CACNA2D1: variants seen among roughly 807,000 people sequenced by gnomAD.
CACNA2D1 encodes the protein voltage-dependent calcium channel subunit alpha-2/delta-1.
A neutral mutation model predicts 171.5 loss-of-function variants in CACNA2D1; 53 were observed. The observed-to-expected ratio is 0.31, with a 90% CI of 0.25 to 0.39. The LOEUF is 0.39. Ranked by LOEUF, CACNA2D1 falls within the 10% of genes least tolerant of loss-of-function variation. The pLI is 1.00. For missense variants in CACNA2D1, 903 were observed against 1,299.8 expected (o/e 0.69, Z 4.69); for synonymous variants, 442 against 443.1 (o/e 1.00, Z 0.03).
intron 4 of CACNA2D1, among the ~76,000 whole-genome samples, chr7:82,158,976 C>A (rs1794661002): frequency 6.6e-6 from 1 of 151,812 alleles, no homozygotes. Flanking sequence ...GTTTAAATAT[C>A]AGAGTATTTT....
intron 3 of CACNA2D1, among the ~76,000 whole-genome samples, chr7:82,312,559 G>C (rs950085509): frequency 2.7e-5 from 4 of 145,954 alleles, no homozygotes; most frequent in African/African-American, 7.6e-5. Context: ...CTGTCACCTA[G>C]GCTGGAATGT....
At chr7:82,364,284 A>C (rs1821429255) in intron 1 of CACNA2D1, among the ~76,000 whole-genome samples, 1 of 152,212 alleles carries the variant, frequency 6.6e-6, no homozygotes, top group South Asian at 2.1e-4. Context: ...GCTGGAGACA[A>C]GAACATAGCA....
chr7:82,429,891 C>T (rs1829526958), intron 1 of CACNA2D1, among the ~76,000 whole-genome samples: 1 of 152,104 alleles, frequency 6.6e-6, no homozygotes, highest in Admixed American at 6.5e-5. Context: ...GACAGCCAAG[C>T]AGCTAATATG....
intron 25 of CACNA2D1, 112 bp downstream of exon 25, chr7:81,974,338 TGTAAA>T (rs1026388103): frequency 1.0e-5 from 6 of 583,708 alleles, no homozygotes; most frequent in African/African-American, 9.4e-5. Context: ...ATTAAAAAGT[TGTAAA>T]GTAAATAAAC....
intron 18 of CACNA2D1, among the ~76,000 whole-genome samples, chr7:82,003,674 A>G (rs1798832422): frequency 6.7e-6 from 1 of 150,282 alleles, no homozygotes; most frequent in African/African-American, 2.4e-5. Flanking sequence ...GATATATGTT[A>G]GTTCCTTTGG....
chr7:82,088,130 C>T (rs188455786), intron 6 of CACNA2D1, among the ~76,000 whole-genome samples: 26 of 151,982 alleles, frequency 1.7e-4, no homozygotes, highest in African/African-American at 5.8e-4. Flanking sequence ...TGGTTACAAC[C>T]GGGTAAGTCA....
intron 2 of CACNA2D1, among the ~76,000 whole-genome samples, chr7:82,340,168 A>G (rs1818451144): frequency 1.3e-5 from 2 of 152,316 alleles, no homozygotes; most frequent in Non-Finnish European, 2.9e-5. Context: ...TAGAAGACTA[A>G]CATAATGAGT....
chr7:82,166,001 G>A lies in CACNA2D1; in HGVS notation c.354+4549C>T, dbSNP rs559836455. On this transcript the variant is annotated intron_variant, in intron 4 of 38. Transcript: ENST00000356860. The stretch of plus-strand genomic sequence containing the variant: ...TCATACCAAGTGACTGTCTGTCTTC[G>A]ATTCTAAGTAAAACAAATACAGTGT... Among the ~76,000 whole-genome samples the A allele has an allele frequency of 5.3e-5, 8 of 151,918 alleles. No individual in the cohort carries two copies. In the South Asian group the frequency reaches 8.3e-4, roughly 16 times the overall value.
chr7:82,257,450 G>T (rs904431413), intron 3 of CACNA2D1, among the ~76,000 whole-genome samples: 1 of 152,096 alleles, frequency 6.6e-6, no homozygotes, highest in Non-Finnish European at 1.5e-5. Context: ...TTTACAACTG[G>T]CAATTCAATC....
intron 7 of CACNA2D1, among the ~76,000 whole-genome samples, chr7:82,067,190 T>G (rs1807746791): frequency 6.6e-6 from 1 of 152,212 alleles, no homozygotes; most frequent in Non-Finnish European, 1.5e-5. Context: ...AAATCTATTC[T>G]AATTAAATTG....
At chr7:82,339,503 T>C (rs1380175761) in intron 2 of CACNA2D1, among the ~76,000 whole-genome samples, 5 of 152,328 alleles carry the variant, frequency 3.3e-5, no homozygotes, top group Non-Finnish European at 5.9e-5. Context: ...TATTCTAATG[T>C]ATGGCCTTGT....
At chr7:82,142,332 A>G (rs1792497847) in intron 4 of CACNA2D1, among the ~76,000 whole-genome samples, 1 of 152,214 alleles carries the variant, frequency 6.6e-6, no homozygotes, top group Non-Finnish European at 1.5e-5. Flanking sequence ...GAGATAAATT[A>G]CTTTAGTCCC....
At chr7:82,138,590 G>A (rs1413526343) in intron 4 of CACNA2D1, among the ~76,000 whole-genome samples, 8 of 151,678 alleles carry the variant, frequency 5.3e-5, no homozygotes, top group Non-Finnish European at 8.8e-5. Flanking sequence ...GGGACTACAG[G>A]CGCCCGCCAC....
At chr7:82,271,734 G>C (rs1808658743) in intron 3 of CACNA2D1, among the ~76,000 whole-genome samples, 1 of 152,134 alleles carries the variant, frequency 6.6e-6, no homozygotes, top group Non-Finnish European at 1.5e-5. Context: ...GGCATCAAGA[G>C]TAAGGTAAAT....
intron 7 of CACNA2D1, among the ~76,000 whole-genome samples, chr7:82,076,526 A>T (rs918103369): frequency 5.9e-5 from 9 of 152,148 alleles, no homozygotes; most frequent in African/African-American, 2.2e-4. Context: ...TCATGTTTTT[A>T]AAAAATAAAG....
At chr7:82,291,671 C>CT (rs1165583324) in intron 3 of CACNA2D1, among the ~76,000 whole-genome samples, 1 of 129,592 alleles carries the variant, frequency 7.7e-6, no homozygotes. Context: ...ATTTTTTTTT[C>CT]TTTTTTTTCT....
At chr7:82,147,718 A>C (rs1254803886) in intron 4 of CACNA2D1, among the ~76,000 whole-genome samples, 2 of 152,150 alleles carry the variant, frequency 1.3e-5, no homozygotes, top group African/African-American at 4.8e-5. Flanking sequence ...AATCATTATC[A>C]ACTCCAGATT....
chr7:82,388,580 A>G (rs1372831230), intron 1 of CACNA2D1, among the ~76,000 whole-genome samples: 1 of 152,212 alleles, frequency 6.6e-6, no homozygotes, highest in African/African-American at 2.4e-5. Context: ...AGGTGCTACA[A>G]GGAGCACCAA....
chr7:82,230,150 A>C (rs923128384), intron 3 of CACNA2D1, among the ~76,000 whole-genome samples: 3 of 152,244 alleles, frequency 2.0e-5, no homozygotes, highest in African/African-American at 7.2e-5. Context: ...TTGTGACTAG[A>C]GTCCCTCCTT....
Sources: gnomAD v4.1 joint callset for allele counts (sites outside exome capture counted in the v4.1 genomes callset) on GRCh38, gnomAD v4.1.1 for gene constraint, MANE v1.5 for transcripts, NCBI Gene and HGNC (gene_info 2026-07-23, HGNC 2026-07-21) for gene names.